Variants in KLRG1 observed in about 807,000 individuals in gnomAD.
KLRG1 encodes the protein killer cell lectin like receptor G1.
A neutral mutation model predicts 21.8 loss-of-function variants in KLRG1; 16 were observed. The ratio of observed to expected loss-of-function variants is 0.73; its 90% CI spans 0.50 to 1.11. KLRG1 has a LOEUF of 1.11. Ranked by LOEUF, KLRG1 falls within the 50% of genes most tolerant of loss-of-function variation. The pLI is 0.00. For missense variants in KLRG1, 173 were observed against 218.3 expected, an observed-to-expected ratio of 0.79 and a Z score of 1.31; for synonymous variants, 69 against 75.9, an observed-to-expected ratio of 0.91 and a Z score of 0.47.
the KLRG1 span, among the ~76,000 whole-genome samples, chr12:9,022,691 A>C: frequency 8.5e-5 from 13 of 152,238 alleles, no homozygotes; most frequent in Non-Finnish European, 1.6e-4. Flanking sequence ...ATGGCCATTA[A>C]TGATGGCCAA....
At chr12:9,022,626 T>G in the KLRG1 span, among the ~76,000 whole-genome samples, 1 of 152,116 alleles carries the variant, frequency 6.6e-6, no homozygotes, top group Non-Finnish European at 1.5e-5. Flanking sequence ...ATCAGAGGGC[T>G]GGGATTTTTA....
chr12:9,103,572 C>G, the KLRG1 span, among the ~76,000 whole-genome samples: 2 of 152,170 alleles, frequency 1.3e-5, no homozygotes, highest in Non-Finnish European at 2.9e-5. Context: ...CCCCATTTCT[C>G]TCTTTCCCTA....
chr12:9,158,180 C>T, the KLRG1 span, among the ~76,000 whole-genome samples: 3 of 152,292 alleles, frequency 2.0e-5, no homozygotes, highest in South Asian at 6.2e-4. Flanking sequence ...GTCTTATACT[C>T]CTGGGCTCAA....
the KLRG1 span, among the ~76,000 whole-genome samples, chr12:9,071,632 T>C: frequency 6.6e-6 from 1 of 152,130 alleles, no homozygotes. Flanking sequence ...TCTGTTGTTC[T>C]CCTTTTTGTG....
the KLRG1 span, among the ~76,000 whole-genome samples, chr12:9,213,295 A>G: frequency 1.3e-5 from 2 of 152,164 alleles, no homozygotes; most frequent in Non-Finnish European, 2.9e-5. Context: ...ATTTGTATAC[A>G]AGTGTTTGCA....
At chr12:9,037,106 A>G in the KLRG1 span, 1 of 164,522 alleles carries the variant, frequency 6.1e-6, no homozygotes, top group Non-Finnish European at 1.3e-5. Context: ...GTTTAATTGG[A>G]GTGGAAGGAA....
At chr12:9,164,347 C>G in the KLRG1 span, 7 of 1,406,142 alleles carry the variant, frequency 5.0e-6, no homozygotes, top group Non-Finnish European at 4.8e-6. Flanking sequence ...TGAGATGCTG[C>G]AGTAAATTGG....
chr12:8,963,589 G>A (rs1341655427), intron 1 of KLRG1, among the ~76,000 whole-genome samples: 1 of 152,148 alleles, frequency 6.6e-6, no homozygotes, highest in Non-Finnish European at 1.5e-5. Flanking sequence ...CTGTTGATTG[G>A]AATAGTTTCA....
the KLRG1 span, among the ~76,000 whole-genome samples, chr12:9,063,530 T>C: frequency 6.6e-6 from 1 of 152,216 alleles, no homozygotes; most frequent in African/African-American, 2.4e-5. Flanking sequence ...ATGTAGAAGA[T>C]ACATCACTTT....
At chr12:9,042,935 G>T in the KLRG1 span, among the ~76,000 whole-genome samples, 1 of 152,158 alleles carries the variant, frequency 6.6e-6, no homozygotes, top group East Asian at 1.9e-4. Context: ...GAGGAATGGC[G>T]ATGTGTTCCC....
the KLRG1 span, among the ~76,000 whole-genome samples, chr12:9,201,909 T>A: frequency 2.0e-5 from 3 of 152,216 alleles, no homozygotes; most frequent in South Asian, 6.2e-4. Context: ...TATATTTCTA[T>A]ACTATATGTA....
the KLRG1 span, chr12:9,182,199 C>T: frequency 2.1e-6 from 1 of 470,008 alleles, no homozygotes; most frequent in Non-Finnish European, 3.2e-6. Context: ...GACACTATTG[C>T]TTGGTCTTAT....
At chr12:9,074,899 C>A in the KLRG1 span, 22 of 1,091,020 alleles carry the variant, frequency 2.0e-5, no homozygotes, top group Non-Finnish European at 2.7e-5. Flanking sequence ...ATCCCCTGTA[C>A]TGTATGTAGA....
At chr12:9,180,728 A>G in the KLRG1 span, among the ~76,000 whole-genome samples, 1 of 152,252 alleles carries the variant, frequency 6.6e-6, no homozygotes, top group Non-Finnish European at 1.5e-5. Flanking sequence ...ACCATTCAGG[A>G]CATAGGCATG....
chr12:9,107,982 C>CA, the KLRG1 span, among the ~76,000 whole-genome samples: 4 of 151,244 alleles, frequency 2.6e-5, no homozygotes, highest in African/African-American at 7.3e-5. Context: ...CAAAACAGAA[C>CA]AAAAAAAACC....
the KLRG1 span, chr12:9,194,355 C>A: frequency 7.1e-6 from 6 of 849,556 alleles, no homozygotes; most frequent in Admixed American, 1.4e-4. Flanking sequence ...TCAAAAAAAC[C>A]CCACCAAACC....
At chr12:9,175,155 C>T in the KLRG1 span, among the ~76,000 whole-genome samples, 5 of 152,022 alleles carry the variant, frequency 3.3e-5, 1 homozygote, top group South Asian at 6.2e-4. Flanking sequence ...GAGATAAAAC[C>T]GCAAACCTAC....
chr12:9,080,071 TC>T, the KLRG1 span: 1 of 1,495,896 alleles, frequency 6.7e-7, no homozygotes, highest in Non-Finnish European at 9.1e-7. Context: ...AATGCCCGGA[TC>T]CACTAGGGGC....
the KLRG1 span, chr12:9,154,928 A>G: frequency 1.6e-6 from 2 of 1,284,814 alleles, no homozygotes; most frequent in East Asian, 2.5e-5. Flanking sequence ...TAATACATGG[A>G]GCTGAAAATA....
Sources: allele counts gnomAD v4.1 joint callset (sites outside exome capture counted in the v4.1 genomes callset), GRCh38; gene constraint gnomAD v4.1.1; transcripts MANE v1.5; gene names NCBI Gene and HGNC (gene_info 2026-07-23, HGNC 2026-07-21).